Variants in ATG7 observed in about 807,000 individuals in gnomAD.
ATG7 encodes autophagy related 7.
ATG7 carries 70 observed loss-of-function variants against 82.4 expected under a neutral mutation model. The observed-to-expected ratio is 0.85, with a 90% CI of 0.70 to 1.04. The LOEUF (loss-of-function observed/expected upper bound fraction) is 1.04. ATG7 is among the 50% of genes least tolerant of loss of function. The pLI, the probability that ATG7 is intolerant of heterozygous loss-of-function variation, is 0.00. For missense variants in ATG7, 792 were observed against 864.3 expected (o/e 0.92, Z 1.05); for synonymous variants, 287 against 313.0 (o/e 0.92, Z 0.88).
chr3:11,451,492 A>G (rs2085126743), intron 20 of ATG7, among the ~76,000 whole-genome samples: 1 of 152,094 alleles, frequency 6.6e-6, no homozygotes, highest in Admixed American at 6.6e-5. Context: ...CGGCATTACT[A>G]GCCCTGTTCA....
At chr3:11,495,574 G>A (rs1473767208) in intron 20 of ATG7, among the ~76,000 whole-genome samples, 1 of 152,110 alleles carries the variant, frequency 6.6e-6, no homozygotes, top group Non-Finnish European at 1.5e-5. Flanking sequence ...GTTTCCTAAC[G>A]ACTGGAAAAA....
At chr3:11,342,572 G>GA (rs1953823984) in intron 13 of ATG7, among the ~76,000 whole-genome samples, 2 of 152,058 alleles carry the variant, frequency 1.3e-5, no homozygotes, top group African/African-American at 4.8e-5. Context: ...TAAATATAGA[G>GA]AAATCAGTAT....
chr3:11,332,989 C>A lies in ATG7; in HGVS notation c.785C>A (p.Ser262Tyr). The A allele has an allele frequency of 6.4e-7, 1 of 1,554,334 alleles. No homozygotes were observed. Among genetic ancestry groups the A allele is most frequent in the Non-Finnish European group, 8.7e-7 (1 of 1,150,178 alleles). ...AAHRWSSSFQ[S>Y]VEVVCFRDRT... ...GACAACAGGAGTAGCAGTTTCCAGTCTGTTGAAGTTGTTTGCTTCCGTGAC... is the reference window on the plus strand; with the variant it reads ...GACAACAGGAGTAGCAGTTTCCAGTATGTTGAAGTTGTTTGCTTCCGTGAC... The change falls in exon 11 of 21, where the codon TCT (serine) becomes TAT (tyrosine). Residue 262 changes from serine (S) to tyrosine (Y), a missense_variant. By Grantham distance (144) the Ser-to-Tyr change is moderately radical. Transcript: ENST00000693202.
chr3:11,539,093 TGAGA>T (rs2070604894), intron 20 of ATG7, among the ~76,000 whole-genome samples: 1 of 67,728 alleles, frequency 1.5e-5, no homozygotes, highest in African/African-American at 5.9e-5. Flanking sequence ...TGATATCAAC[TGAGA>T]TTTTTTTTTT....
chr3:11,310,634 G>GT (rs1210766518), intron 7 of ATG7, among the ~76,000 whole-genome samples: 1,549 of 142,040 alleles, frequency 0.011, 13 homozygotes, highest in African/African-American at 0.025. Context: ...TAATTCTGTA[G>GT]TTTTTTTTTT....
intron 19 of ATG7, among the ~76,000 whole-genome samples, chr3:11,424,605 ATTAAT>A (rs895913824): frequency 2.6e-5 from 1 of 37,806 alleles, no homozygotes; most frequent in African/African-American, 5.8e-5. Flanking sequence ...TTTAATAAAT[ATTAAT>A]TTTTAATATT....
chr3:11,411,533 T>G (rs914569302), intron 19 of ATG7, among the ~76,000 whole-genome samples: 2 of 141,288 alleles, frequency 1.4e-5, no homozygotes, highest in African/African-American at 5.3e-5. Context: ...GGCAGGAGAC[T>G]CACTTGAACC....
At chr3:11,383,330 G>C (rs773422624) in intron 19 of ATG7, among the ~76,000 whole-genome samples, 27 of 152,086 alleles carry the variant, frequency 1.8e-4, no homozygotes, top group Non-Finnish European at 2.9e-4. Context: ...CCTCCATGTG[G>C]ATTTGTCTGA....
intron 20 of ATG7, among the ~76,000 whole-genome samples, chr3:11,546,888 C>CG (rs1184898944): frequency 6.6e-6 from 1 of 152,262 alleles, no homozygotes; most frequent in Non-Finnish European, 1.5e-5. Flanking sequence ...CCCTTGCCAG[C>CG]GGAGAGCAGC....
At chr3:11,521,943 C>G (rs1375815036) in intron 20 of ATG7, among the ~76,000 whole-genome samples, 1 of 152,178 alleles carries the variant, frequency 6.6e-6, no homozygotes, top group Non-Finnish European at 1.5e-5. Context: ...TAGATAAAGC[C>G]TACTGGTATG....
In ATG7 at chr3:11,426,898, T is replaced by G; in HGVS notation, c.2051T>G (p.Leu684Trp). The change falls in exon 20 of 21, where the codon TTG becomes TGG. Residue 684 changes from leucine (L) to tryptophan (W), a missense_variant. Coordinates refer to ENST00000693202, the MANE Select transcript of ATG7 (RefSeq NM_001349232.2). Reference protein sequence around the residue: ...SFLEDLTGLTLLHQETQAAEI... With the variant: ...SFLEDLTGLTWLHQETQAAEI... Reference sequence around the variant, plus strand: ...TTAGAAGACTTGACTGGTCTTACATTGCTGCATCAAGAAACCCAAGCTGCT... The same window carrying G: ...TTAGAAGACTTGACTGGTCTTACATGGCTGCATCAAGAAACCCAAGCTGCT... 1 of 1,606,738 alleles carries G rather than the reference T, an allele frequency of 6.2e-7. No individual in the cohort carries two copies. The highest frequency in any genetic ancestry group is 2.2e-5 in the East Asian group (1 of 44,594).
At chr3:11,347,180 C>G (rs1954678205) in intron 13 of ATG7, among the ~76,000 whole-genome samples, 1 of 152,216 alleles carries the variant, frequency 6.6e-6, no homozygotes, top group South Asian at 2.1e-4. Flanking sequence ...AATCACTTAT[C>G]TTTCCTGGGC....
At chr3:11,331,310 A>T in intron 9 of ATG7, 30 bp from the exon 10 acceptor site, 1 of 1,525,076 alleles carries the variant, frequency 6.6e-7, no homozygotes, top group Non-Finnish European at 9.1e-7. Context: ...ATGATACTCG[A>T]CTTACTCAGA....
Position 11,436,261 on chromosome 3 carries a change from A to G in ATG7, c.2079+9335A>G, listed in dbSNP as rs1356508001. Reference sequence around the variant, plus strand: ...TAGCCATTGGGACAATACAAATTGAAACTACTGTGAGATGGCATTCATACC... The same window carrying G: ...TAGCCATTGGGACAATACAAATTGAGACTACTGTGAGATGGCATTCATACC... On this transcript the variant is annotated intron_variant, in intron 20 of 20. Coordinates refer to ENST00000693202, the MANE Select transcript of ATG7 (RefSeq NM_001349232.2). Among the ~76,000 whole-genome samples, 4 of 152,360 alleles carry G rather than the reference A, an allele frequency of 2.6e-5. No individual in the cohort carries two copies. In the East Asian group the frequency reaches 7.7e-4, roughly 29 times the overall value.
intron 19 of ATG7, among the ~76,000 whole-genome samples, chr3:11,382,839 T>C (rs1002715447): frequency 7.2e-5 from 11 of 152,216 alleles, no homozygotes; most frequent in African/African-American, 2.7e-4. Context: ...GGAAGAATAG[T>C]ACAAGGAACT....
At chr3:11,384,753 G>A (rs2078183849) in intron 19 of ATG7, among the ~76,000 whole-genome samples, 1 of 152,182 alleles carries the variant, frequency 6.6e-6, no homozygotes, top group Non-Finnish European at 1.5e-5. Flanking sequence ...CTGAGCCTAA[G>A]AGTTTGAGAC....
chr3:11,509,448 G>A (rs1433236584), intron 20 of ATG7, among the ~76,000 whole-genome samples: 2 of 150,312 alleles, frequency 1.3e-5, no homozygotes, highest in Non-Finnish European at 3.0e-5. Flanking sequence ...AGCCACTTGT[G>A]TCTTATAAGC....
At chr3:11,433,499 C>A (rs925829175) in intron 20 of ATG7, among the ~76,000 whole-genome samples, 1 of 151,860 alleles carries the variant, frequency 6.6e-6, no homozygotes. Context: ...ATGAGAAATG[C>A]CAAAATATTT....
At position 11,285,850 on chromosome 3, in the gene ATG7, A is replaced by T. The variant is rs116054333; in HGVS notation, c.-11+3412A>T. Reference sequence around the variant, plus strand: ...CCTTCTATTTATCCATCTCCCAGAGACTCCCATTCAGTTTTTGTCCCAATA... The same window carrying T: ...CCTTCTATTTATCCATCTCCCAGAGTCTCCCATTCAGTTTTTGTCCCAATA... On this transcript the variant is annotated intron_variant, in intron 3 of 20. Coordinates refer to ENST00000693202, the MANE Select transcript of ATG7 (RefSeq NM_001349232.2). Among the ~76,000 whole-genome samples, 803 of 152,060 alleles carry T rather than the reference A, an allele frequency of 5.3e-3. 11 individuals are homozygous for T. Among genetic ancestry groups the T allele is most frequent in the Non-Finnish European group, 6.5e-3 (445 of 67,990 alleles).
Sources: allele counts gnomAD v4.1 joint callset (sites outside exome capture counted in the v4.1 genomes callset), GRCh38; gene constraint gnomAD v4.1.1; transcripts MANE v1.5; gene names NCBI Gene and HGNC (gene_info 2026-07-23, HGNC 2026-07-21).